The following CDH20 variants were observed in gnomAD, a reference collection of about 807,000 sequenced individuals.
CDH20 encodes cadherin 20.
Under a neutral mutation model 74.2 loss-of-function variants are expected in CDH20, and 29 were observed. The ratio of observed to expected loss-of-function variants is 0.39; its 90% CI spans 0.29 to 0.53. The LOEUF (loss-of-function observed/expected upper bound fraction) is 0.53, where lower values mean the gene tolerates loss of function less well. Ranked by LOEUF, CDH20 falls within the 20% of genes least tolerant of loss-of-function variation. CDH20 has a pLI of 0.69. For synonymous variants in CDH20, 469 were observed against 405.4 expected, an observed-to-expected ratio of 1.16 and a Z score of -1.88; for missense variants, 988 against 1,048.3, an observed-to-expected ratio of 0.94 and a Z score of 0.79.
intron 1 of CDH20, among the ~76,000 whole-genome samples, chr18:61,370,620 T>C (rs900939725): frequency 6.6e-6 from 1 of 152,082 alleles, no homozygotes; most frequent in Non-Finnish European, 1.5e-5. Context: ...TATTTTCATG[T>C]TTTTTTCTCT....
chr18:61,524,828 G>A, intron 6 of CDH20, among the ~76,000 whole-genome samples: 1 of 152,088 alleles, frequency 6.6e-6, no homozygotes, highest in Non-Finnish European at 1.5e-5. Flanking sequence ...GGCTGAGGCA[G>A]AAGAGTCGCC....
intron 1 of CDH20, among the ~76,000 whole-genome samples, chr18:61,429,893 G>A (rs79370344): frequency 0.05 from 7,661 of 152,198 alleles, 283 homozygotes; most frequent in Non-Finnish European, 0.075. Context: ...TTCCTTTGTA[G>A]TGGGTACTCT....
intron 1 of CDH20, among the ~76,000 whole-genome samples, chr18:61,442,870 C>T (rs202238816): frequency 6.6e-6 from 1 of 151,188 alleles, no homozygotes; most frequent in East Asian, 2.0e-4. Flanking sequence ...GAGGCCCTCA[C>T]TGATTTGCCC....
At chr18:61,454,080 T>C (rs779788895) in intron 1 of CDH20, among the ~76,000 whole-genome samples, 2 of 152,170 alleles carry the variant, frequency 1.3e-5, no homozygotes, top group African/African-American at 2.4e-5. Flanking sequence ...TCTTTTCAAG[T>C]GCTTATTGGC....
At chr18:61,464,756 G>C (rs1254073424) in intron 1 of CDH20, among the ~76,000 whole-genome samples, 1 of 152,186 alleles carries the variant, frequency 6.6e-6, no homozygotes, top group Non-Finnish European at 1.5e-5. Context: ...CTAGGACTAG[G>C]AGGAAACATT....
rs372923373 is a variant in CDH20 at position 61,518,737 on chromosome 18, C to T, written c.1018-9230C>T. Among the ~76,000 whole-genome samples the T allele has an allele frequency of 1.6e-4, 24 of 151,350 alleles. 2 individuals carry two copies. The South Asian group carries it at 2.3e-3, about 14-fold the overall frequency. ...TTCTCCAAAGGATCACAACTCCTCA[C>T]CAGCAATGGAACAAAACTGGATGCA... On this transcript the variant is annotated intron_variant, in intron 6 of 11. Transcript: ENST00000262717.
At chr18:61,471,726 C>T (rs145256592) in intron 1 of CDH20, among the ~76,000 whole-genome samples, 7 of 152,214 alleles carry the variant, frequency 4.6e-5, no homozygotes, top group South Asian at 2.1e-4. Context: ...ATTAAGATCC[C>T]GTTTGTCGGA....
intron 1 of CDH20, among the ~76,000 whole-genome samples, chr18:61,459,393 C>T (rs1909691171): frequency 6.6e-6 from 1 of 152,044 alleles, no homozygotes; most frequent in Admixed American, 6.6e-5. Context: ...TAGTGCATCT[C>T]GTGGGGAGAG....
intron 1 of CDH20, among the ~76,000 whole-genome samples, chr18:61,464,179 T>A (rs943044670): frequency 2.0e-5 from 3 of 152,168 alleles, no homozygotes; most frequent in African/African-American, 4.8e-5. Context: ...GTTTTAAAAT[T>A]TTATTGATAA....
At chr18:61,351,483 G>T (rs1392029821) in intron 1 of CDH20, among the ~76,000 whole-genome samples, 3 of 152,236 alleles carry the variant, frequency 2.0e-5, no homozygotes, top group East Asian at 3.9e-4. Context: ...GATCTCAAAA[G>T]AATTACATTT....
At chr18:61,484,271 A>G (rs78578230) in intron 1 of CDH20, among the ~76,000 whole-genome samples, 3,807 of 152,326 alleles carry the variant, frequency 0.025, 177 homozygotes, top group East Asian at 0.12. Flanking sequence ...ATCAAAATTG[A>G]TCATTCTTGT....
At chr18:61,342,349 T>C (rs1028125512) in intron 1 of CDH20, among the ~76,000 whole-genome samples, 5 of 152,184 alleles carry the variant, frequency 3.3e-5, no homozygotes, top group African/African-American at 1.2e-4. Flanking sequence ...TTGAATTCAG[T>C]ATTGTTACCA....
At chr18:61,552,590 A>C (rs764886101) in intron 11 of CDH20, among the ~76,000 whole-genome samples, 54 of 152,112 alleles carry the variant, frequency 3.6e-4, no homozygotes, top group Admixed American at 6.5e-4. Context: ...AGCCCTACCC[A>C]GTCTCCCAGG....
intron 1 of CDH20, among the ~76,000 whole-genome samples, chr18:61,465,524 C>T (rs1599103435): frequency 6.6e-6 from 1 of 151,588 alleles, no homozygotes; most frequent in Non-Finnish European, 1.5e-5. Flanking sequence ...ACTGAATTGA[C>T]ACTTTGATCT....
intron 1 of CDH20, among the ~76,000 whole-genome samples, chr18:61,334,970 T>C (rs1599020865): frequency 6.6e-6 from 1 of 152,124 alleles, no homozygotes; most frequent in African/African-American, 2.4e-5. Flanking sequence ...GTCTCTGATG[T>C]GTGTCTTTCC....
chr18:61,485,805 G>T (rs1910740834), intron 1 of CDH20, among the ~76,000 whole-genome samples: 1 of 152,156 alleles, frequency 6.6e-6, no homozygotes, highest in African/African-American at 2.4e-5. Flanking sequence ...CAGGTGCGGT[G>T]GCTCACGCCT....
At chr18:61,536,958 G>A (rs1912836852) in intron 8 of CDH20, among the ~76,000 whole-genome samples, 1 of 152,070 alleles carries the variant, frequency 6.6e-6, no homozygotes, top group Non-Finnish European at 1.5e-5. Context: ...AATGTACAAA[G>A]AGTATAAAAT....
At chr18:61,347,877 T>C (rs1036654535) in intron 1 of CDH20, among the ~76,000 whole-genome samples, 1 of 148,906 alleles carries the variant, frequency 6.7e-6, no homozygotes, top group Non-Finnish European at 1.5e-5. Context: ...GTGGCTAACA[T>C]TTTCTTAAAA....
rs1232652346 is a variant in CDH20, at chr18:61,333,589, A to T, written c.-391A>T. 6.6e-6 allele frequency: 1 copy of T among 150,696 alleles called. No homozygotes were observed. The highest frequency in any genetic ancestry group is 6.7e-5 in the Admixed American group (1 of 15,016). 9.3% of individuals were successfully genotyped at this position (150,696 alleles called of 1,614,324 possible). A position where few individuals can be genotyped will look rare whatever the true frequency, so the allele number is the denominator to read the frequency against. On this transcript the variant is annotated 5_prime_UTR_variant, in exon 1 of 12. Transcript: ENST00000262717. ...CATCGGCGGGGTTGGTGCACTTGGC[A>T]GTACCCCCCAACTCCTGGCAACCGC...
Sources: allele counts gnomAD v4.1 joint callset (sites outside exome capture counted in the v4.1 genomes callset), GRCh38; gene constraint gnomAD v4.1.1; transcripts MANE v1.5; gene names NCBI Gene and HGNC (gene_info 2026-07-23, HGNC 2026-07-21).